TFEC: variants seen among roughly 807,000 people sequenced by gnomAD.
TFEC encodes transcription factor EC.
In TFEC, 31 loss-of-function variants were observed where a neutral mutation model predicts 41.6. The observed-to-expected ratio is 0.74, with a 90% CI of 0.56 to 1.01. The LOEUF (loss-of-function observed/expected upper bound fraction) is 1.01, where lower values mean the gene tolerates loss of function less well. Among genes scored for constraint, TFEC ranks in the 50% least tolerant of loss-of-function variants. The pLI, the probability that TFEC is intolerant of heterozygous loss-of-function variation, is 0.00. For missense variants in TFEC, 402 were observed against 404.1 expected (o/e 0.99, Z 0.04); for synonymous variants, 143 against 140.6 (o/e 1.02, Z -0.12).
chr7:116,126,369 G>A (rs1275553377), intron 1 of TFEC, among the ~76,000 whole-genome samples: 1 of 152,102 alleles, frequency 6.6e-6, no homozygotes, highest in Non-Finnish European at 1.5e-5. Context: ...GAAAAAGTAA[G>A]ATAGAGGTTC....
chr7:115,943,426 T>TA (rs921019188), intron 6 of TFEC, among the ~76,000 whole-genome samples: 14 of 150,888 alleles, frequency 9.3e-5, no homozygotes, highest in Non-Finnish European at 1.8e-4. Context: ...GAAACAGATT[T>TA]AAAAAAAAAG....
intron 3 of TFEC, among the ~76,000 whole-genome samples, chr7:115,961,431 C>T (rs752939275): frequency 1.7e-4 from 25 of 151,142 alleles, no homozygotes; most frequent in Non-Finnish European, 3.1e-4. Context: ...AAATTCATAG[C>T]CTTAAATAAT....
chr7:116,014,890 G>T (rs1336473305), intron 1 of TFEC, among the ~76,000 whole-genome samples: 1 of 151,998 alleles, frequency 6.6e-6, no homozygotes, highest in Admixed American at 6.6e-5. Context: ...GCTGGAAAAC[G>T]CAGGCAAGCA....
chr7:116,158,601 T>G (rs1454322564), intron 1 of TFEC, among the ~76,000 whole-genome samples: 1 of 152,190 alleles, frequency 6.6e-6, no homozygotes, highest in Non-Finnish European at 1.5e-5. Flanking sequence ...TGAAAATCAA[T>G]GATATCCAAA....
At chr7:116,112,776 T>C (rs1367372834) in intron 1 of TFEC, among the ~76,000 whole-genome samples, 1 of 151,922 alleles carries the variant, frequency 6.6e-6, no homozygotes. Flanking sequence ...GGAATGTAGG[T>C]AATAACGGAT....
At chr7:116,039,135 A>G (rs1359848694) in intron 3 of TFEC, among the ~76,000 whole-genome samples, 1 of 152,090 alleles carries the variant, frequency 6.6e-6, no homozygotes, top group Non-Finnish European at 1.5e-5. Context: ...GTTATAGGAC[A>G]AATGACTATG....
At chr7:116,053,910 G>T (rs1307284251) in intron 3 of TFEC, among the ~76,000 whole-genome samples, 2 of 152,092 alleles carry the variant, frequency 1.3e-5, no homozygotes, top group East Asian at 3.8e-4. Context: ...TACCAGAAAG[G>T]AGCCATTCTA....
chr7:115,937,278 T>A lies in TFEC; in HGVS notation c.*3273A>T, dbSNP rs1366732628. On this transcript the variant is annotated 3_prime_UTR_variant, in exon 8 of 8. Transcript: ENST00000265440. ...GATAATTGTATATTAATTGAATGAATAAATCAATAATTATGCATTAATAGT... is the reference window on the plus strand; with the variant it reads ...GATAATTGTATATTAATTGAATGAAAAAATCAATAATTATGCATTAATAGT... The A allele has an allele frequency of 6.6e-6, 1 of 151,790 alleles. No individual in the cohort carries two copies. The highest frequency in any genetic ancestry group is 1.5e-5 in the Non-Finnish European group (1 of 67,748). 9.4% of individuals were successfully genotyped at this position (151,790 alleles called of 1,614,324 possible).
At chr7:116,029,605 C>T (rs996264896) in intron 1 of TFEC, among the ~76,000 whole-genome samples, 2 of 151,772 alleles carry the variant, frequency 1.3e-5, no homozygotes, top group African/African-American at 4.8e-5. Flanking sequence ...GTGAAATATT[C>T]TAAGACAATA....
Position 116,000,309 on chromosome 7 carries a change from C to T in TFEC, c.-72-15796G>A, listed in dbSNP as rs574056823. On this transcript the variant is annotated intron_variant, in intron 1 of 7. Coordinates refer to ENST00000265440, the MANE Select transcript of TFEC (RefSeq NM_012252.4). ...AAAACTGAATATAGAAGCAACTCAC[C>T]TCAATACAATAAAAGCCACATAGGA... Among the ~76,000 whole-genome samples the T allele has an allele frequency of 7.3e-4, 111 of 152,010 alleles. 1 individual carries two copies. In the Middle Eastern group the frequency reaches 0.014, roughly 19 times the overall value.
chr7:116,147,683 C>T (rs1798671799), intron 1 of TFEC, among the ~76,000 whole-genome samples: 1 of 151,360 alleles, frequency 6.6e-6, no homozygotes, highest in Non-Finnish European at 1.5e-5. Context: ...CAATAGTTTG[C>T]TGAGATGGAT....
chr7:116,113,493 G>C (rs575352958), intron 1 of TFEC, among the ~76,000 whole-genome samples: 40 of 152,070 alleles, frequency 2.6e-4, no homozygotes, highest in Non-Finnish European at 5.3e-4. Flanking sequence ...AACTGTGAAA[G>C]AATAAATTTC....
At chr7:116,008,830 T>A (rs1794898893) in intron 1 of TFEC, among the ~76,000 whole-genome samples, 1 of 152,186 alleles carries the variant, frequency 6.6e-6, no homozygotes, top group East Asian at 1.9e-4. Context: ...GGTTTCTGAA[T>A]AACTGTCAGC....
intron 1 of TFEC, among the ~76,000 whole-genome samples, chr7:116,010,774 A>AT (rs537810881): frequency 1.7e-3 from 266 of 152,152 alleles, no homozygotes; most frequent in African/African-American, 6.3e-3. Context: ...TCCTTATTGA[A>AT]TTTTTTTGCG....
intron 5 of TFEC, 80 bp from the exon 6 acceptor site, chr7:115,951,029 C>T: frequency 1.3e-6 from 1 of 782,978 alleles, no homozygotes; most frequent in Non-Finnish European, 1.9e-6. Context: ...TTTTAACAAT[C>T]TTTTAAAAAC....
At chr7:116,105,583 T>C (rs1797699668) in intron 3 of TFEC, among the ~76,000 whole-genome samples, 1 of 152,164 alleles carries the variant, frequency 6.6e-6, no homozygotes, top group South Asian at 2.1e-4. Flanking sequence ...TCCGTTGGCA[T>C]TGACCGCTGA....
chr7:116,085,779 G>C (rs961842819), intron 3 of TFEC, among the ~76,000 whole-genome samples: 2 of 151,898 alleles, frequency 1.3e-5, no homozygotes, highest in Non-Finnish European at 2.9e-5. Flanking sequence ...AGCTGGAACT[G>C]TGTGTAAAAT....
In TFEC at chr7:115,980,728, C is replaced by T. The variant is rs567902230; in HGVS notation, c.180+3534G>A. ...TTGTGCCACTGCACTCCAGCCTGGG[C>T]AACAGAGGGAGACTTGTCGCCAAAC... is the stretch of plus-strand genomic sequence containing the variant. On this transcript the variant is annotated intron_variant, in intron 2 of 7. Transcript: ENST00000265440. 3.3e-5 allele frequency among the ~76,000 whole-genome samples: 5 copies of T among 150,602 alleles called. No homozygotes were observed. The East Asian group carries it at 9.8e-4, about 30-fold the overall frequency.
intron 3 of TFEC, among the ~76,000 whole-genome samples, chr7:116,106,302 C>A (rs1797715385): frequency 6.6e-6 from 1 of 152,160 alleles, no homozygotes; most frequent in African/African-American, 2.4e-5. Flanking sequence ...GTCTCTAAGG[C>A]TTAGAATCTT....
Sources: gnomAD v4.1 joint callset for allele counts (sites outside exome capture counted in the v4.1 genomes callset) on GRCh38, gnomAD v4.1.1 for gene constraint, MANE v1.5 for transcripts, NCBI Gene and HGNC (gene_info 2026-07-23, HGNC 2026-07-21) for gene names.